The following APOL5 variants were observed in gnomAD, a reference collection of about 807,000 sequenced individuals.
APOL5 encodes apolipoprotein L5.
In APOL5, 29 loss-of-function variants were observed where a neutral mutation model predicts 35.5. That is an observed-to-expected ratio of 0.82 (90% CI 0.61 to 1.11). The LOEUF is 1.11. Ranked by LOEUF, APOL5 falls within the 50% of genes most tolerant of loss-of-function variation. The probability of loss-of-function intolerance (pLI) is 0.00; values close to 1 mark genes in which losing one functional copy is unlikely to be tolerated. For synonymous variants in APOL5, 188 were observed against 200.2 expected, an observed-to-expected ratio of 0.94 and a Z score of 0.51; for missense variants, 514 against 530.4, an observed-to-expected ratio of 0.97 and a Z score of 0.30.
chr22:35,719,594 G>A (rs896389067), intron 1 of APOL5, among the ~76,000 whole-genome samples: 1 of 152,250 alleles, frequency 6.6e-6, no homozygotes, highest in Non-Finnish European at 1.5e-5. Flanking sequence ...AATGGGAAAA[G>A]TTCCCTTATC....
intron 1 of APOL5, among the ~76,000 whole-genome samples, chr22:35,718,823 C>T (rs989384589): frequency 3.3e-5 from 5 of 152,068 alleles, no homozygotes; most frequent in Admixed American, 3.3e-4. Flanking sequence ...TTTGGGAGGC[C>T]AAGGCAGATG....
chr22:35,728,202 G>C (rs187034165), intron 3 of APOL5, among the ~76,000 whole-genome samples: 569 of 152,292 alleles, frequency 3.7e-3, no homozygotes, highest in Middle Eastern at 6.8e-3. Context: ...ATATGACCTG[G>C]ATTTTAGACC....
At chr22:35,725,545 G>T (rs538392063) in intron 2 of APOL5, among the ~76,000 whole-genome samples, 1 of 151,864 alleles carries the variant, frequency 6.6e-6, no homozygotes, top group African/African-American at 2.4e-5. Context: ...GAGCCACCGC[G>T]CCTGGCCAGG....
chr22:35,723,039 A>C (rs746129189), intron 2 of APOL5, among the ~76,000 whole-genome samples: 1 of 152,216 alleles, frequency 6.6e-6, no homozygotes, highest in Non-Finnish European at 1.5e-5. Context: ...GAAGGATGTC[A>C]GAAGGCCCCT....
chr22:35,709,804 T>G, the APOL5 span, among the ~76,000 whole-genome samples: 1 of 152,140 alleles, frequency 6.6e-6, no homozygotes, highest in African/African-American at 2.4e-5. Context: ...CTGTTTTCTC[T>G]TGTATAAAAT....
chr22:35,714,839 C>T (rs561607578), upstream of APOL5, among the ~76,000 whole-genome samples: 45 of 152,342 alleles, frequency 3.0e-4, no homozygotes, highest in Non-Finnish European at 4.9e-4. Context: ...TGGCCACAGC[C>T]TCCACTGAAG....
chr22:35,726,635 C>T lies in APOL5; in HGVS notation c.567C>T (p.Val189=). Residue 189 remains valine, a synonymous_variant, in exon 3 of 5, where the codon GTC becomes GTT. Coordinates refer to ENST00000249044, the MANE Select transcript of APOL5 (RefSeq NM_030642.1). ...CCATCACCAACATAGTAACAAATGT[C>T]TTAGAAAATAGAAGCAATTCAGCAG... ...AAAITNIVTN[V]LENRSNSAAR... is the part of the protein sequence containing the mutation. 2.5e-6 allele frequency: 4 copies of T among 1,614,216 alleles called. No homozygotes were observed. The highest frequency in any genetic ancestry group is 3.4e-6 in the Non-Finnish European group (4 of 1,180,044).
intron 3 of APOL5, 127 bp from the exon 4 acceptor site, chr22:35,728,596 G>A (rs962916734): frequency 2.1e-5 from 22 of 1,054,114 alleles, no homozygotes; most frequent in Admixed American, 6.2e-5. Flanking sequence ...GCCCTGGGGC[G>A]GGAGGGGTTT....
At chr22:35,718,777 G>T (rs879592025) in intron 1 of APOL5, among the ~76,000 whole-genome samples, 1 of 152,000 alleles carries the variant, frequency 6.6e-6, no homozygotes, top group African/African-American at 2.4e-5. Context: ...AGGGCACGTG[G>T]CCAGGCACAG....
chr22:35,713,788 C>G (rs1009075311), upstream of APOL5, among the ~76,000 whole-genome samples: 1 of 152,164 alleles, frequency 6.6e-6, no homozygotes, highest in African/African-American at 2.4e-5. Context: ...TCACTGTCCC[C>G]ACCTACAACG....
chr22:35,716,910 C>CAAT (rs768786149), upstream of APOL5, among the ~76,000 whole-genome samples: 2 of 151,176 alleles, frequency 1.3e-5, no homozygotes, highest in African/African-American at 4.9e-5. Flanking sequence ...TTCATGTAAA[C>CAAT]AGTCCCCGGC....
chr22:35,711,941 T>C, the APOL5 span, among the ~76,000 whole-genome samples: 2 of 151,974 alleles, frequency 1.3e-5, no homozygotes, highest in African/African-American at 4.8e-5. Context: ...TCCTAAAGTG[T>C]TGGGATTACA....
chr22:35,714,775 G>A (rs943816416), upstream of APOL5, among the ~76,000 whole-genome samples: 3 of 152,206 alleles, frequency 2.0e-5, no homozygotes, highest in African/African-American at 7.2e-5. Flanking sequence ...GTTGAGAGAG[G>A]AGGCAGGAGA....
intron 2 of APOL5, 62 bp from the exon 3 acceptor site, chr22:35,726,149 C>G: frequency 6.5e-7 from 1 of 1,547,810 alleles, no homozygotes; most frequent in Non-Finnish European, 8.7e-7. Flanking sequence ...CATTGTACCT[C>G]GATTCTCAGG....
At chr22:35,716,482 G>A (rs905112672), upstream of APOL5, among the ~76,000 whole-genome samples, 3 of 152,108 alleles carry the variant, frequency 2.0e-5, no homozygotes, top group African/African-American at 7.2e-5. Flanking sequence ...GGCTGGTCTC[G>A]AACTCCTGAT....
In APOL5 at chr22:35,726,840, A is replaced by G. The variant is rs747936781; in HGVS notation, c.772A>G (p.Met258Val). ...MAKSNSGFMA[M>V]VKNFVAKRHI... ...CAAATCCAACTCTGGCTTCATGGCT[A>G]TGGTCAAGAATTTTGTGGCCAAGAG... The change falls in exon 3 of 5, where the codon ATG (methionine) becomes GTG (valine). Residue 258 changes from methionine (M) to valine (V), a missense_variant. Around this residue, in one of 3 missense-constraint regions of APOL5, gnomAD observed 238 missense variants for 229.1 expected, o/e 1.04. Transcript: ENST00000249044. The G allele has an allele frequency of 4.3e-6, 7 of 1,614,076 alleles. No individual in the cohort carries two copies. The highest frequency in any genetic ancestry group is 4.5e-5 in the East Asian group (2 of 44,898).
At chr22:35,708,991 A>G in the APOL5 span, among the ~76,000 whole-genome samples, 1 of 152,202 alleles carries the variant, frequency 6.6e-6, no homozygotes, top group East Asian at 1.9e-4. Context: ...GAGTAACACA[A>G]ATGCGCTTCC....
At chr22:35,723,343 C>G (rs1927039014) in intron 2 of APOL5, among the ~76,000 whole-genome samples, 1 of 152,180 alleles carries the variant, frequency 6.6e-6, no homozygotes, top group Non-Finnish European at 1.5e-5. Context: ...TGTAGAAAGT[C>G]ACACATACAG....
chr22:35,724,208 G>A (rs960052805), intron 2 of APOL5, among the ~76,000 whole-genome samples: 2 of 151,508 alleles, frequency 1.3e-5, no homozygotes, highest in Non-Finnish European at 2.9e-5. Context: ...GCATGCGCCT[G>A]TAGTCCCAGC....
Sources: gnomAD v4.1 joint callset for allele counts (sites outside exome capture counted in the v4.1 genomes callset) on GRCh38, gnomAD v4.1.1 for gene constraint, gnomAD v4.1.1 regional missense constraint, MANE v1.5 for transcripts, NCBI Gene and HGNC (gene_info 2026-07-23, HGNC 2026-07-21) for gene names.